The following FANCD2 variants were observed in gnomAD, a reference collection of about 807,000 sequenced individuals.
The protein encoded by FANCD2 is Fanconi anemia group D2 protein.
Under a neutral mutation model 192.3 loss-of-function variants are expected in FANCD2, and 131 were observed. The observed-to-expected ratio is 0.68, with a 90% confidence interval of 0.59 to 0.79. The LOEUF is 0.79. Ranked by LOEUF, FANCD2 falls within the 30% of genes least tolerant of loss-of-function variation. FANCD2 has a pLI of 0.00. For missense variants in FANCD2, 1,508 were observed against 1,701.6 expected (o/e 0.89, Z 2.00); for synonymous variants, 524 against 612.5 (o/e 0.86, Z 2.13).
chr3:10,036,775 C>G (rs139604883), intron 7 of FANCD2, among the ~76,000 whole-genome samples: 1 of 151,924 alleles, frequency 6.6e-6, no homozygotes, highest in Non-Finnish European at 1.5e-5. Flanking sequence ...TAGTTGTCTC[C>G]AAAGAGGGTA....
chr3:10,048,460 C>T (rs35723639), intron 16 of FANCD2, among the ~76,000 whole-genome samples: 4,584 of 150,070 alleles, frequency 0.031, 235 homozygotes, highest in African/African-American at 0.11. Flanking sequence ...CACACCACCA[C>T]GCCCGGTTAA....
chr3:10,028,519 G>A (rs2086512794), intron 1 of FANCD2, 106 bp from the exon 2 acceptor site: 2 of 745,250 alleles, frequency 2.7e-6, no homozygotes, highest in Admixed American at 2.1e-5. Flanking sequence ...ATATGGAGAT[G>A]TGAGCCCCTC....
Position 10,064,786 on chromosome 3 carries a change from T to C in FANCD2, c.2079T>C (p.Asp693=). 1 of 1,614,048 alleles carries C rather than the reference T, an allele frequency of 6.2e-7. No homozygotes were observed. Among genetic ancestry groups the C allele is most frequent in the Non-Finnish European group, 8.5e-7 (1 of 1,179,888 alleles). ...LYGLEEYDTQ[D]GIAINLLPLL... The stretch of plus-strand genomic sequence containing the variant: ...GACTGGAAGAATACGACACTCAGGA[T>C]GGGATTGCCATAAACCTCCTGCCGC... The change falls in exon 23 of 44, where the codon GAT becomes GAC. Residue 693 remains aspartate, a synonymous_variant. Transcript: ENST00000675286.
intron 37 of FANCD2, among the ~76,000 whole-genome samples, chr3:10,091,860 C>T (rs55682812): frequency 1.3e-5 from 2 of 152,110 alleles, no homozygotes; most frequent in Non-Finnish European, 2.9e-5. Flanking sequence ...TTTGGGAGGC[C>T]GAGGTGGGTG....
intron 7 of FANCD2, among the ~76,000 whole-genome samples, chr3:10,036,613 T>C (rs2086737660): frequency 1.3e-5 from 2 of 152,094 alleles, no homozygotes; most frequent in African/African-American, 4.8e-5. Flanking sequence ...GGGAGGAGGA[T>C]TGCTTGAGTT....
intron 2 of FANCD2, among the ~76,000 whole-genome samples, chr3:10,030,770 C>T (rs1003455912): frequency 2.0e-5 from 3 of 151,976 alleles, no homozygotes; most frequent in African/African-American, 4.8e-5. Context: ...CGTGGTGTCA[C>T]GTGTCTGTAA....
intron 26 of FANCD2, among the ~76,000 whole-genome samples, chr3:10,070,155 C>T (rs193256104): frequency 0.024 from 3,386 of 142,810 alleles, 122 homozygotes; most frequent in African/African-American, 0.082. Context: ...CCGGCTGCCC[C>T]GTATGAGAAG....
At chr3:10,073,488 G>A in intron 28 of FANCD2, 126 bp downstream of exon 28, 1 of 807,128 alleles carries the variant, frequency 1.2e-6, no homozygotes. Context: ...AACTCTCTTA[G>A]GCGTTGGAGT....
intron 25 of FANCD2, among the ~76,000 whole-genome samples, chr3:10,066,645 C>A (rs2087726353): frequency 6.6e-6 from 1 of 152,240 alleles, no homozygotes; most frequent in African/African-American, 2.4e-5. Context: ...ACTTGTTTCA[C>A]CAAATTGTGT....
At chr3:10,027,214 T>A (rs2086474107) in intron 1 of FANCD2, among the ~76,000 whole-genome samples, 1 of 152,230 alleles carries the variant, frequency 6.6e-6, no homozygotes, top group Non-Finnish European at 1.5e-5. Flanking sequence ...ACTGGGTTCC[T>A]GCTCTCAAAG....
chr3:10,088,782 T>C (rs760588840), intron 35 of FANCD2, 46 bp from the exon 36 acceptor site: 3 of 1,603,808 alleles, frequency 1.9e-6, no homozygotes, highest in South Asian at 1.1e-5. Flanking sequence ...TGTAGTTGTA[T>C]TCTACTTTGT....
chr3:10,092,379 C>A, intron 38 of FANCD2, 127 bp downstream of exon 38: 1 of 796,258 alleles, frequency 1.3e-6, no homozygotes, highest in Non-Finnish European at 2.2e-6. Context: ...CCTGAGTCGT[C>A]TTCTTCCTTT....
intron 42 of FANCD2, among the ~76,000 whole-genome samples, chr3:10,098,074 T>A (rs1695084824): frequency 6.6e-6 from 1 of 152,208 alleles, no homozygotes. Flanking sequence ...TAGGGTAGTA[T>A]AAGCCCTTTT....
At chr3:10,034,335 A>G in intron 3 of FANCD2, 134 bp from the exon 4 acceptor site, 1 of 689,998 alleles carries the variant, frequency 1.4e-6, no homozygotes, top group South Asian at 1.7e-5. Flanking sequence ...AAAAAAAAAA[A>G]AAAAAAAAAA....
rs1693601138 is a variant in FANCD2, at chr3:10,077,496, A to T, written c.2860-585A>T. ...CTTGAACCTGGGACGCAGAGGTTGT[A>T]GTGAGCCAAGATCATGCCACTGCCC... On this transcript the variant is annotated intron_variant, in intron 29 of 43. Transcript: ENST00000675286. Among the ~76,000 whole-genome samples, 2 of 152,134 alleles carry T rather than the reference A, an allele frequency of 1.3e-5. 1 individual carries two copies. Among genetic ancestry groups the T allele is most frequent in the South Asian group, 4.1e-4 (2 of 4,828 alleles).
chr3:10,046,693 G>C lies in FANCD2; in HGVS notation c.1248G>C (p.Leu416=), dbSNP rs1365912085. The change falls in exon 15 of 44, where the codon CTG becomes CTC. Residue 416 remains leucine, a synonymous_variant. Coordinates refer to ENST00000675286, the MANE Select transcript of FANCD2 (RefSeq NM_001018115.3). ...KIRSGCIQEQ[L]LQSTFSVHYL... ...GATCAGGCTGCATTCAAGAACAGCTGCTCCAGAGTACATTCTCTGTTCATT... is the reference window on the plus strand; with the variant it reads ...GATCAGGCTGCATTCAAGAACAGCTCCTCCAGAGTACATTCTCTGTTCATT... 1 of 1,613,412 alleles carries C rather than the reference G, an allele frequency of 6.2e-7. No homozygotes were observed. Among genetic ancestry groups the C allele is most frequent in the Non-Finnish European group, 8.5e-7 (1 of 1,179,304 alleles).
intron 33 of FANCD2, 118 bp from the exon 34 acceptor site, chr3:10,087,016 A>C: frequency 9.3e-7 from 1 of 1,079,426 alleles, no homozygotes; most frequent in Non-Finnish European, 1.4e-6. Context: ...GAAAATAAGG[A>C]GGATTCTGAT....
Position 10,090,331 on chromosome 3 carries a change from A to G in FANCD2, c.3723A>G (p.Glu1241=), listed in dbSNP as rs1333021443. ...FVVFFRVMMA[E]LEKTVKKIEP... ...TTTTCTTCCGTGTGATGATGGCTGAACTAGAGAAGACGGTGAAAAAAATTG... is the reference window on the plus strand; with the variant it reads ...TTTTCTTCCGTGTGATGATGGCTGAGCTAGAGAAGACGGTGAAAAAAATTG... The change falls in exon 37 of 44, where the codon GAA becomes GAG. Residue 1241 remains glutamate (E), a synonymous_variant. Transcript: ENST00000675286. 1.2e-6 allele frequency: 2 copies of G among 1,613,538 alleles called. No individual in the cohort carries two copies. The highest frequency in any genetic ancestry group is 1.7e-5 in the Admixed American group (1 of 59,984).
At chr3:10,089,004 T>G in intron 36 of FANCD2, 54 bp downstream of exon 36, 1 of 1,597,516 alleles carries the variant, frequency 6.3e-7, no homozygotes, top group Non-Finnish European at 8.6e-7. Context: ...ATCATCAGGC[T>G]GGGCACGGTG....
Sources: allele counts gnomAD v4.1 joint callset (sites outside exome capture counted in the v4.1 genomes callset), GRCh38; gene constraint gnomAD v4.1.1; transcripts MANE v1.5; gene names NCBI Gene and HGNC (gene_info 2026-07-23, HGNC 2026-07-21).